The following NRXN1 variants were observed in gnomAD, a reference collection of about 807,000 sequenced individuals.
The protein encoded by NRXN1 is neurexin-1.
A neutral mutation model predicts 150.9 loss-of-function variants in NRXN1; 39 were observed. That is an observed-to-expected ratio of 0.26 (90% CI 0.20 to 0.34). NRXN1 has a LOEUF of 0.34. NRXN1 is among the 10% of genes least tolerant of loss of function. The probability of loss-of-function intolerance (pLI) is 1.00; values close to 1 mark genes in which losing one functional copy is unlikely to be tolerated. For synonymous variants in NRXN1, 924 were observed against 757.0 expected (o/e 1.22, Z -3.62); for missense variants, 1,815 against 1,949.9 (o/e 0.93, Z 1.30).
chr2:50,623,196 G>C, intron 6 of NRXN1, 118 bp downstream of exon 6: 1 of 737,380 alleles, frequency 1.4e-6, no homozygotes, highest in South Asian at 2.1e-5. Context: ...AGAAGAAAAA[G>C]CTAATTTGCA....
intron 21 of NRXN1, among the ~76,000 whole-genome samples, chr2:50,031,057 T>TCTAAAGAA (rs1689103515): frequency 6.6e-6 from 1 of 152,076 alleles, no homozygotes; most frequent in Admixed American, 6.6e-5. Context: ...GGGACTGTTT[T>TCTAAAGAA]CTAAAGAACT....
At chr2:50,978,271 CATATATATAT>C (rs10671122) in intron 2 of NRXN1, among the ~76,000 whole-genome samples, 15,102 of 95,012 alleles carry the variant, frequency 0.16, 1,540 homozygotes, top group Admixed American at 0.19. Context: ...GGATATTATA[CATATATATAT>C]ATATATATAT....
intron 8 of NRXN1, among the ~76,000 whole-genome samples, chr2:50,574,011 A>AT: frequency 6.6e-6 from 1 of 152,246 alleles, no homozygotes; most frequent in African/African-American, 2.4e-5. Flanking sequence ...TATAACAAAC[A>AT]TATGTCTTGT....
chr2:50,907,889 A>G (rs1683947228), intron 5 of NRXN1, among the ~76,000 whole-genome samples: 1 of 152,130 alleles, frequency 6.6e-6, no homozygotes, highest in African/African-American at 2.4e-5. Context: ...TTAAGCTATT[A>G]CATTTGTAGT....
chr2:50,800,612 C>T (rs531462944), intron 5 of NRXN1, among the ~76,000 whole-genome samples: 14 of 152,136 alleles, frequency 9.2e-5, no homozygotes, highest in East Asian at 1.9e-4. Context: ...CACAATGGCG[C>T]GATCTCGGCT....
chr2:50,858,317 T>C lies in NRXN1; in HGVS notation c.832+63552A>G, dbSNP rs538253896. Among the ~76,000 whole-genome samples the C allele has an allele frequency of 1.8e-4, 27 of 152,188 alleles. 1 individual carries two copies. The South Asian group carries it at 4.4e-3, about 25-fold the overall frequency. ...AACACAAACATAAGAAGCACCACCA[T>C]TGTCTCACTGTTTGGGCGCAATCAT... On this transcript the variant is annotated intron_variant, in intron 5 of 22. Transcript: ENST00000401669.
chr2:50,415,905 T>C (rs1226854330), intron 17 of NRXN1, among the ~76,000 whole-genome samples: 1 of 149,792 alleles, frequency 6.7e-6, no homozygotes, highest in Non-Finnish European at 1.5e-5. Context: ...ACTTTCAAAT[T>C]CTATATTCCT....
chr2:50,303,846 A>T (rs2139653), intron 17 of NRXN1, among the ~76,000 whole-genome samples: 131,513 of 152,066 alleles, frequency 0.86, 57,071 homozygotes, highest in African/African-American at 0.93. Flanking sequence ...AGCATAATTA[A>T]TAACTGGAAA....
intron 2 of NRXN1, among the ~76,000 whole-genome samples, chr2:50,996,034 GC>G: frequency 6.6e-6 from 1 of 152,186 alleles, no homozygotes; most frequent in African/African-American, 2.4e-5. Context: ...GAAAAGTCTT[GC>G]CTACGTGGAA....
intron 21 of NRXN1, among the ~76,000 whole-genome samples, chr2:50,013,073 A>C (rs1325098232): frequency 6.6e-6 from 1 of 152,046 alleles, no homozygotes; most frequent in Non-Finnish European, 1.5e-5. Context: ...TAAATCCCTT[A>C]AATATCCCTC....
chr2:50,651,492 G>GACATGACATGACATGACATGACATA, intron 5 of NRXN1, among the ~76,000 whole-genome samples: 1 of 148,752 alleles, frequency 6.7e-6, no homozygotes, highest in Non-Finnish European at 1.5e-5. Context: ...GACATGACAT[G>GACATGACATGACATGACATGACATA]ACATGACATG....
intron 19 of NRXN1, among the ~76,000 whole-genome samples, chr2:50,058,644 A>C (rs1280522319): frequency 6.6e-6 from 1 of 152,184 alleles, no homozygotes; most frequent in Non-Finnish European, 1.5e-5. Flanking sequence ...CTGTGTCTCC[A>C]CCCAAATCTC....
At chr2:50,486,058 C>T (rs1032517876) in intron 15 of NRXN1, among the ~76,000 whole-genome samples, 1 of 152,042 alleles carries the variant, frequency 6.6e-6, no homozygotes, top group African/African-American at 2.4e-5. Context: ...TAACAGTGAA[C>T]CCAAACATTT....
chr2:50,379,384 G>C (rs1405500140), intron 17 of NRXN1, among the ~76,000 whole-genome samples: 1 of 152,126 alleles, frequency 6.6e-6, no homozygotes, highest in Admixed American at 6.6e-5. Flanking sequence ...GACTGACAGG[G>C]AATAATAACA....
At chr2:50,648,832 AAATCC>A (rs33935631) in intron 5 of NRXN1, among the ~76,000 whole-genome samples, 9,348 of 151,966 alleles carry the variant, frequency 0.062, 733 homozygotes, top group African/African-American at 0.18. Flanking sequence ...TTAAACTATC[AAATCC>A]AGTTTCCTCA....
intron 17 of NRXN1, among the ~76,000 whole-genome samples, chr2:50,446,688 G>A (rs572519335): frequency 5.9e-5 from 9 of 151,374 alleles, no homozygotes; most frequent in Admixed American, 1.3e-4. Context: ...CAAATACTGA[G>A]TAATACTTTT....
intron 5 of NRXN1, among the ~76,000 whole-genome samples, chr2:50,755,011 T>C (rs996563631): frequency 1.3e-5 from 2 of 151,864 alleles, no homozygotes; most frequent in Non-Finnish European, 2.9e-5. Context: ...CCCATTGATG[T>C]AGATTAACCA....
intron 19 of NRXN1, among the ~76,000 whole-genome samples, chr2:50,075,945 C>G (rs2152676676): frequency 6.6e-6 from 1 of 152,288 alleles, no homozygotes; most frequent in African/African-American, 2.4e-5. Context: ...CTACACAGTG[C>G]CCTGTCCACC....
chr2:50,994,322 T>A (rs1430513527), intron 2 of NRXN1, among the ~76,000 whole-genome samples: 1 of 152,000 alleles, frequency 6.6e-6, no homozygotes, highest in African/African-American at 2.4e-5. Context: ...TATCTCACCT[T>A]GCATTTTTCA....
Sources: allele counts gnomAD v4.1 joint callset (sites outside exome capture counted in the v4.1 genomes callset), GRCh38; gene constraint gnomAD v4.1.1; transcripts MANE v1.5; gene names NCBI Gene and HGNC (gene_info 2026-07-23, HGNC 2026-07-21).